Variants in LHFPL6 observed in about 807,000 individuals in gnomAD.
LHFPL6 encodes the protein LHFPL tetraspan subfamily member 6.
In LHFPL6, 9 loss-of-function variants were observed where a neutral mutation model predicts 20.6. The ratio of observed to expected loss-of-function variants is 0.44; its 90% CI spans 0.26 to 0.76. The LOEUF (loss-of-function observed/expected upper bound fraction) is 0.76, where lower values mean the gene tolerates loss of function less well. LHFPL6 is among the 30% of genes least tolerant of loss of function. The pLI is 0.20. For missense variants in LHFPL6, 218 were observed against 253.5 expected, an observed-to-expected ratio of 0.86 and a Z score of 0.95; for synonymous variants, 105 against 98.7, an observed-to-expected ratio of 1.06 and a Z score of -0.38.
intron 2 of LHFPL6, among the ~76,000 whole-genome samples, chr13:39,480,859 A>C (rs920954053): frequency 6.6e-6 from 1 of 152,220 alleles, no homozygotes; most frequent in African/African-American, 2.4e-5. Context: ...AAAATGGTAC[A>C]TACTACATCA....
intron 2 of LHFPL6, among the ~76,000 whole-genome samples, chr13:39,431,118 G>A (rs1163899857): frequency 2.6e-5 from 4 of 152,132 alleles, no homozygotes; most frequent in Admixed American, 2.6e-4. Flanking sequence ...TCACTGGGAA[G>A]GTCTGCTGCT....
chr13:39,513,761 C>G (rs927780986), intron 2 of LHFPL6, among the ~76,000 whole-genome samples: 1 of 152,168 alleles, frequency 6.6e-6, no homozygotes, highest in Admixed American at 6.5e-5. Context: ...GGTTATATAT[C>G]TTTTCAAGAT....
At chr13:39,408,701 A>T (rs528684005) in intron 2 of LHFPL6, among the ~76,000 whole-genome samples, 1 of 152,374 alleles carries the variant, frequency 6.6e-6, no homozygotes, top group East Asian at 1.9e-4. Flanking sequence ...TAAGCGGACC[A>T]TGGAAAACAG....
chr13:39,357,095 C>T (rs1415255500), intron 3 of LHFPL6, among the ~76,000 whole-genome samples: 1 of 152,128 alleles, frequency 6.6e-6, no homozygotes, highest in African/African-American at 2.4e-5. Flanking sequence ...TGGCTTGAAC[C>T]TGGGAGGTGG....
At chr13:39,363,671 T>C (rs1869937093) in intron 3 of LHFPL6, among the ~76,000 whole-genome samples, 1 of 152,154 alleles carries the variant, frequency 6.6e-6, no homozygotes, top group African/African-American at 2.4e-5. Flanking sequence ...AGCTGAGTCC[T>C]ATTCTTTGTT....
chr13:39,358,523 T>TA lies in LHFPL6; in HGVS notation c.485-14470dup, dbSNP rs202046929. 2.0e-3 allele frequency among the ~76,000 whole-genome samples: 308 copies of TA among 151,588 alleles called. 1 individual carries two copies. The highest frequency in any genetic ancestry group is 7.1e-3 in the African/African-American group (293 of 41,372). ...CTAAGTCCTCAAAAACAATTGTAAT[T>TA]AAAAAAAACAACATGTGGGACCTTA... On this transcript the variant is annotated intron_variant, in intron 3 of 3. Coordinates refer to ENST00000379589, the MANE Select transcript of LHFPL6 (RefSeq NM_005780.3).
intron 2 of LHFPL6, among the ~76,000 whole-genome samples, chr13:39,600,342 G>A (rs1397517536): frequency 6.6e-6 from 1 of 152,208 alleles, no homozygotes; most frequent in African/African-American, 2.4e-5. Context: ...CATTTATTTA[G>A]AAATAGAGTT....
At chr13:39,489,644 T>C (rs1868849071) in intron 2 of LHFPL6, among the ~76,000 whole-genome samples, 1 of 150,530 alleles carries the variant, frequency 6.6e-6, no homozygotes, top group Admixed American at 6.7e-5. Flanking sequence ...AACTTCCACC[T>C]CCCAGGCTCA....
chr13:39,366,911 T>A (rs1250340566), intron 3 of LHFPL6, among the ~76,000 whole-genome samples: 1 of 152,244 alleles, frequency 6.6e-6, no homozygotes. Context: ...ATTTTTATTA[T>A]AATGGACACT....
chr13:39,360,083 C>T (rs8000602), intron 3 of LHFPL6, among the ~76,000 whole-genome samples: 26,005 of 74,690 alleles, frequency 0.35, 6,674 homozygotes, highest in East Asian at 0.47. Flanking sequence ...TGCAGTGGCA[C>T]GATCTCTGCT....
intron 3 of LHFPL6, among the ~76,000 whole-genome samples, chr13:39,345,488 G>T (rs1188220887): frequency 7.9e-6 from 1 of 127,104 alleles, no homozygotes; most frequent in Admixed American, 9.2e-5. Context: ...ACTCCAGCCT[G>T]GGTCAGGGAG....
At chr13:39,394,832 G>T (rs913176708) in intron 2 of LHFPL6, among the ~76,000 whole-genome samples, 2 of 152,148 alleles carry the variant, frequency 1.3e-5, no homozygotes, top group Non-Finnish European at 2.9e-5. Flanking sequence ...GTTAGTAAAA[G>T]AATCAGAAAT....
chr13:39,522,039 C>CA (rs879563004), intron 2 of LHFPL6, among the ~76,000 whole-genome samples: 3 of 152,202 alleles, frequency 2.0e-5, no homozygotes, highest in Non-Finnish European at 4.4e-5. Flanking sequence ...AGTACACACA[C>CA]AGCCTCTTAC....
chr13:39,562,431 CATATAT>C (rs757006828), intron 2 of LHFPL6, among the ~76,000 whole-genome samples: 1 of 92,596 alleles, frequency 1.1e-5, no homozygotes, highest in East Asian at 2.6e-4. Context: ...TACATATATA[CATATAT>C]ACATATATAC....
At chr13:39,456,800 CTT>C (rs779014732) in intron 2 of LHFPL6, among the ~76,000 whole-genome samples, 17 of 143,670 alleles carry the variant, frequency 1.2e-4, no homozygotes, top group East Asian at 2.0e-4. Flanking sequence ...ACAAAGATTT[CTT>C]TTTTTTTTTT....
intron 2 of LHFPL6, among the ~76,000 whole-genome samples, chr13:39,507,432 C>T (rs1008597976): frequency 2.0e-5 from 3 of 152,180 alleles, no homozygotes; most frequent in Non-Finnish European, 2.9e-5. Context: ...CACTTTAACA[C>T]CCCCTCCCAT....
intron 2 of LHFPL6, among the ~76,000 whole-genome samples, chr13:39,486,719 G>A (rs1488411096): frequency 6.6e-6 from 1 of 152,138 alleles, no homozygotes; most frequent in Non-Finnish European, 1.5e-5. Context: ...GGGTCACTTT[G>A]AGCCTCCTTT....
At chr13:39,546,703 G>A (rs949363733) in intron 2 of LHFPL6, among the ~76,000 whole-genome samples, 2 of 152,022 alleles carry the variant, frequency 1.3e-5, no homozygotes, top group Non-Finnish European at 2.9e-5. Context: ...CTCACTTATG[G>A]CAGCCAATCA....
intron 2 of LHFPL6, among the ~76,000 whole-genome samples, chr13:39,380,282 T>C (rs1176323046): frequency 6.6e-6 from 1 of 152,176 alleles, no homozygotes; most frequent in Admixed American, 6.5e-5. Flanking sequence ...CAGAAAGGCA[T>C]CTGGACAAGA....
Sources: gnomAD v4.1 joint callset for allele counts (sites outside exome capture counted in the v4.1 genomes callset) on GRCh38, gnomAD v4.1.1 for gene constraint, MANE v1.5 for transcripts, NCBI Gene and HGNC (gene_info 2026-07-23, HGNC 2026-07-21) for gene names.